Variants in LHFPL3 observed in about 807,000 individuals in gnomAD.
The protein encoded by LHFPL3 is LHFPL tetraspan subfamily member 3, also known as LHFPL tetraspan subfamily member 3 protein.
Under a neutral mutation model 19.3 loss-of-function variants are expected in LHFPL3, and 5 were observed. The ratio of observed to expected loss-of-function variants is 0.26; its 90% confidence interval spans 0.14 to 0.54. The LOEUF (loss-of-function observed/expected upper bound fraction) is 0.54. Ranked by LOEUF, LHFPL3 falls within the 20% of genes least tolerant of loss-of-function variation. The pLI is 0.94. For missense variants in LHFPL3, 249 were observed against 307.4 expected, an observed-to-expected ratio of 0.81 and a Z score of 1.42; for synonymous variants, 133 against 126.2, an observed-to-expected ratio of 1.05 and a Z score of -0.36.
chr7:104,504,031 ATAG>A (rs1793652766), intron 1 of LHFPL3, among the ~76,000 whole-genome samples: 1 of 152,212 alleles, frequency 6.6e-6, no homozygotes, highest in African/African-American at 2.4e-5. Context: ...ACTAGAGAAG[ATAG>A]TAGTCAAGTC....
chr7:104,412,050 C>T (rs1384792570), intron 1 of LHFPL3, among the ~76,000 whole-genome samples: 2 of 152,148 alleles, frequency 1.3e-5, no homozygotes, highest in African/African-American at 4.8e-5. Flanking sequence ...CAGAATCTTT[C>T]TCATTTTACT....
intron 1 of LHFPL3, among the ~76,000 whole-genome samples, chr7:104,526,943 A>C (rs994562066): frequency 1.3e-5 from 2 of 152,218 alleles, no homozygotes; most frequent in African/African-American, 4.8e-5. Flanking sequence ...TTGTAATAAA[A>C]TATCAAATAG....
intron 2 of LHFPL3, among the ~76,000 whole-genome samples, chr7:104,856,250 T>A (rs988213744): frequency 2.6e-4 from 36 of 136,678 alleles, no homozygotes; most frequent in African/African-American, 9.7e-4. Context: ...ATTTTTTTTT[T>A]TTTTTTTTTT....
chr7:104,580,806 G>A (rs1790445920), intron 1 of LHFPL3, among the ~76,000 whole-genome samples: 1 of 151,806 alleles, frequency 6.6e-6, no homozygotes, highest in Non-Finnish European at 1.5e-5. Context: ...ACTCTTTTAT[G>A]TAATCCTTCT....
intron 1 of LHFPL3, among the ~76,000 whole-genome samples, chr7:104,396,839 C>A (rs1791198409): frequency 1.3e-5 from 2 of 151,692 alleles, no homozygotes; most frequent in African/African-American, 4.8e-5. Context: ...GCGTGATGGC[C>A]TGCGTCTGTG....
chr7:104,392,119 T>A (rs1322732863), intron 1 of LHFPL3, among the ~76,000 whole-genome samples: 1 of 152,214 alleles, frequency 6.6e-6, no homozygotes, highest in African/African-American at 2.4e-5. Context: ...TTTACAGTCG[T>A]GTCATCTGCA....
At chr7:104,831,830 G>C (rs1790958879) in intron 2 of LHFPL3, among the ~76,000 whole-genome samples, 2 of 151,938 alleles carry the variant, frequency 1.3e-5, no homozygotes, top group Non-Finnish European at 2.9e-5. Flanking sequence ...CTGCACTACT[G>C]CTTATTATTT....
chr7:104,367,364 C>G (rs984160671), intron 1 of LHFPL3, among the ~76,000 whole-genome samples: 4 of 152,188 alleles, frequency 2.6e-5, no homozygotes, highest in African/African-American at 9.7e-5. Flanking sequence ...ATCAGATGTT[C>G]TATGGTTAAC....
intron 1 of LHFPL3, among the ~76,000 whole-genome samples, chr7:104,366,191 A>T (rs1253825438): frequency 6.6e-6 from 1 of 152,190 alleles, no homozygotes; most frequent in Admixed American, 6.5e-5. Context: ...GGACACTCAG[A>T]GAACACTGAG....
intron 1 of LHFPL3, among the ~76,000 whole-genome samples, chr7:104,649,033 G>A (rs1791980944): frequency 6.6e-6 from 1 of 152,180 alleles, no homozygotes; most frequent in Admixed American, 6.5e-5. Flanking sequence ...TTTTCCAGTA[G>A]AGTGGATCAA....
intron 1 of LHFPL3, among the ~76,000 whole-genome samples, chr7:104,641,885 T>C (rs1241034919): frequency 6.6e-6 from 1 of 152,168 alleles, no homozygotes. Flanking sequence ...GAAAATGACT[T>C]TTCATGGATG....
At chr7:104,783,727 T>C (rs533571640) in intron 2 of LHFPL3, among the ~76,000 whole-genome samples, 1 of 152,308 alleles carries the variant, frequency 6.6e-6, no homozygotes, top group South Asian at 2.1e-4. Context: ...ACTACCTGAC[T>C]CTAGCCCTGA....
intron 1 of LHFPL3, among the ~76,000 whole-genome samples, chr7:104,523,888 T>G (rs1402493408): frequency 6.6e-6 from 1 of 152,162 alleles, no homozygotes; most frequent in African/African-American, 2.4e-5. Flanking sequence ...TTCATGGTGC[T>G]CATCCAAGAC....
intron 2 of LHFPL3, 64 bp from the exon 3 acceptor site, chr7:104,906,123 A>G: frequency 2.0e-6 from 3 of 1,495,022 alleles, no homozygotes; most frequent in Non-Finnish European, 2.8e-6. Flanking sequence ...TCTTGCAGAC[A>G]GAAAATGATG....
At chr7:104,742,617 TG>T (rs1330018654) in intron 2 of LHFPL3, among the ~76,000 whole-genome samples, 4 of 152,310 alleles carry the variant, frequency 2.6e-5, no homozygotes, top group Admixed American at 2.6e-4. Flanking sequence ...TGAGGAGCCT[TG>T]GGCCAATATC....
intron 1 of LHFPL3, among the ~76,000 whole-genome samples, chr7:104,723,722 CAAAAAAAAAAA>C (rs1167618176): frequency 6.4e-5 from 3 of 46,932 alleles, no homozygotes; most frequent in East Asian, 1.5e-3. Flanking sequence ...ACTATGTCTC[CAAAAAAAAAAA>C]AAAAAAAAAA....
intron 1 of LHFPL3, among the ~76,000 whole-genome samples, chr7:104,571,636 A>G (rs187673899): frequency 6.6e-6 from 1 of 152,330 alleles, no homozygotes; most frequent in East Asian, 1.9e-4. Flanking sequence ...GATGGAGACA[A>G]AAACCTGCTT....
At chr7:104,714,915 C>CTA (rs549623615) in intron 1 of LHFPL3, among the ~76,000 whole-genome samples, 258 of 151,552 alleles carry the variant, frequency 1.7e-3, no homozygotes, top group African/African-American at 5.7e-3. Context: ...CATGCTCACT[C>CTA]TATATATATA....
intron 1 of LHFPL3, among the ~76,000 whole-genome samples, chr7:104,509,188 G>A (rs1336345477): frequency 4.0e-5 from 6 of 151,570 alleles, no homozygotes; most frequent in Non-Finnish European, 1.5e-5. Flanking sequence ...AGGAGGGAAC[G>A]CTTCCTGATT....
Sources: gnomAD v4.1 joint callset for allele counts (sites outside exome capture counted in the v4.1 genomes callset) on GRCh38, gnomAD v4.1.1 for gene constraint, MANE v1.5 for transcripts, NCBI Gene and HGNC (gene_info 2026-07-23, HGNC 2026-07-21) for gene names.